PIK3R3: variants seen among roughly 807,000 people sequenced by gnomAD.
PIK3R3 encodes the protein phosphoinositide-3-kinase regulatory subunit 3, also known as phosphatidylinositol 3-kinase regulatory subunit gamma.
PIK3R3 carries 64 observed loss-of-function variants against 62.9 expected under a neutral mutation model. The ratio of observed to expected loss-of-function variants is 1.02; its 90% CI spans 0.83 to 1.25. The LOEUF is 1.25. PIK3R3 is among the 50% of genes most tolerant of loss of function. The probability of loss-of-function intolerance (pLI) is 0.00; values close to 1 mark genes in which losing one functional copy is unlikely to be tolerated. For missense variants in PIK3R3, 614 were observed against 561.6 expected, an observed-to-expected ratio of 1.09 and a Z score of -0.94; for synonymous variants, 165 against 189.0, an observed-to-expected ratio of 0.87 and a Z score of 1.04.
In PIK3R3 at chr1:46,053,198, G is replaced by A. The variant is rs1006813265; in HGVS notation, c.941+2597C>T. On this transcript the variant is annotated intron_variant, in intron 7 of 9. Transcript: ENST00000262741. ...ACTTCTGAGTTGTCCTTACTTGTAG[G>A]TTATGAATTTGTCATCCATGATGTT... Among the ~76,000 whole-genome samples the A allele has an allele frequency of 6.6e-5, 10 of 152,236 alleles. No homozygotes were observed. The East Asian group carries it at 1.9e-3, about 29-fold the overall frequency.
Position 46,066,127 on chromosome 1 carries a change from T to C in PIK3R3, c.548A>G (p.Glu183Gly). Residue 183 changes from glutamate (E) to glycine (G), a missense_variant, in exon 5 of 10, where the codon GAA (glutamate) becomes GGA (glycine). Physicochemically the swap from Glu to Gly is moderately conservative, Grantham distance 98. Transcript: ENST00000262741. ...NIDAVGKKLQ[E>G]YHSQYQEKSK... Reference sequence around the variant, plus strand: ...CTTCTCCTGATACTGAGAGTGGTATTCTTGCAGTTTTTTACCTACTGCATC... The same window carrying C: ...CTTCTCCTGATACTGAGAGTGGTATCCTTGCAGTTTTTTACCTACTGCATC... 6.3e-7 allele frequency: 1 copy of C among 1,597,766 alleles called. No individual in the cohort carries two copies. Among genetic ancestry groups the C allele is most frequent in the Non-Finnish European group, 8.6e-7 (1 of 1,165,464 alleles).
intron 3 of PIK3R3, among the ~76,000 whole-genome samples, chr1:46,070,871 C>G (rs1235633690): frequency 6.6e-6 from 1 of 152,142 alleles, no homozygotes; most frequent in Admixed American, 6.5e-5. Context: ...AGCACCTAGT[C>G]CAATGCCTGG....
At chr1:46,128,702 G>A (rs1008323395) in intron 1 of PIK3R3, among the ~76,000 whole-genome samples, 4 of 152,212 alleles carry the variant, frequency 2.6e-5, no homozygotes, top group Admixed American at 1.3e-4. Context: ...ATGACCAGGT[G>A]GGAAGCCAAT....
intron 3 of PIK3R3, among the ~76,000 whole-genome samples, chr1:46,068,891 T>TAATC (rs901399251): frequency 2.4e-4 from 37 of 152,206 alleles, no homozygotes; most frequent in African/African-American, 8.4e-4. Flanking sequence ...TAGAATCATA[T>TAATC]AATCTATCTT....
intron 1 of PIK3R3, among the ~76,000 whole-genome samples, chr1:46,121,108 TG>T (rs1394016678): frequency 2.0e-5 from 3 of 152,234 alleles, no homozygotes; most frequent in Non-Finnish European, 4.4e-5. Context: ...CTGACATTGT[TG>T]AACTACTGAA....
At chr1:46,116,042 GA>G (rs1318665193) in intron 1 of PIK3R3, among the ~76,000 whole-genome samples, 1 of 152,190 alleles carries the variant, frequency 6.6e-6, no homozygotes, top group Admixed American at 6.5e-5. Context: ...CAAACATGAA[GA>G]AATAGGATTT....
Position 46,131,921 on chromosome 1 carries a change from T to G in PIK3R3, c.32A>C (p.Asp11Ala). MYNTVWSMDR[D>A]DADWREVMMP... The stretch of plus-strand genomic sequence containing the variant: ...CATCACCTCCCTCCAGTCTGCGTCA[T>G]CGCGGTCCATACTCCACACCGTATT... Residue 11 changes from aspartate to alanine, a missense_variant, in exon 1 of 10, where the codon GAT (aspartate) becomes GCT (alanine). Transcript: ENST00000262741. 1 of 1,613,994 alleles carries G rather than the reference T, an allele frequency of 6.2e-7. No homozygotes were observed. Among genetic ancestry groups the G allele is most frequent in the South Asian group, 1.1e-5 (1 of 91,076 alleles).
intron 1 of PIK3R3, among the ~76,000 whole-genome samples, chr1:46,088,513 G>A (rs1651305021): frequency 6.6e-6 from 1 of 151,980 alleles, no homozygotes; most frequent in Non-Finnish European, 1.5e-5. Flanking sequence ...AAGAACAAGA[G>A]CCCTTATATA....
the PIK3R3 span, among the ~76,000 whole-genome samples, chr1:46,140,819 G>GT: frequency 7.1e-4 from 108 of 151,800 alleles, no homozygotes; most frequent in African/African-American, 2.3e-3. Context: ...TAAACTTGTG[G>GT]TTTTTTTTGT....
chr1:46,142,852 G>T, the PIK3R3 span, among the ~76,000 whole-genome samples: 1 of 152,194 alleles, frequency 6.6e-6, no homozygotes, highest in Non-Finnish European at 1.5e-5. Context: ...TCAAGCAATG[G>T]GGGGAGTTTA....
At chr1:46,121,873 T>C (rs560101976) in intron 1 of PIK3R3, among the ~76,000 whole-genome samples, 2 of 152,186 alleles carry the variant, frequency 1.3e-5, no homozygotes, top group East Asian at 3.9e-4. Context: ...CATACTGATA[T>C]GCGACATGCA....
intron 1 of PIK3R3, among the ~76,000 whole-genome samples, chr1:46,124,014 A>G (rs1220309040): frequency 2.0e-5 from 3 of 152,200 alleles, no homozygotes; most frequent in Admixed American, 6.5e-5. Context: ...CCAAAACCCA[A>G]AATGGATAAA....
chr1:46,171,828 C>T, the PIK3R3 span, among the ~76,000 whole-genome samples: 2 of 152,112 alleles, frequency 1.3e-5, no homozygotes, highest in African/African-American at 4.8e-5. Flanking sequence ...ACTGAAGCTC[C>T]GGGCTCCTGC....
In PIK3R3 at chr1:46,132,052, C is replaced by G; in HGVS notation, c.-100G>C. ...AATATATATCTGCAAAAGTTCCACACGGAAATGTACTTCGGGTTTTCCAAC... is the reference window on the plus strand; with the variant it reads ...AATATATATCTGCAAAAGTTCCACAGGGAAATGTACTTCGGGTTTTCCAAC... On this transcript the variant is annotated 5_prime_UTR_variant, in exon 1 of 10. Coordinates refer to ENST00000262741, the MANE Select transcript of PIK3R3 (RefSeq NM_003629.4). 1.3e-6 allele frequency: 2 copies of G among 1,496,872 alleles called. No individual in the cohort carries two copies. The highest frequency in any genetic ancestry group is 1.8e-6 in the Non-Finnish European group (2 of 1,124,326). The allele number at this position is 1,496,872 out of a possible 1,614,324, so 92.7% of individuals were successfully genotyped here.
intron 1 of PIK3R3, among the ~76,000 whole-genome samples, chr1:46,104,343 AG>A (rs1652988294): frequency 6.6e-6 from 1 of 152,226 alleles, no homozygotes; most frequent in Admixed American, 6.5e-5. Flanking sequence ...AAAATTAAAA[AG>A]ATTTTCAACT....
chr1:46,090,342 TTA>T (rs1651503527), intron 1 of PIK3R3, among the ~76,000 whole-genome samples: 5 of 151,524 alleles, frequency 3.3e-5, no homozygotes, highest in Non-Finnish European at 7.4e-5. Context: ...ATTTATTTAT[TTA>T]TTTTTTTGAG....
intron 1 of PIK3R3, among the ~76,000 whole-genome samples, chr1:46,119,902 C>T (rs147996253): frequency 1.2e-4 from 18 of 151,954 alleles, no homozygotes; most frequent in African/African-American, 4.1e-4. Flanking sequence ...CTCAGCCTCC[C>T]AAGTAGCTGG....
the PIK3R3 span, among the ~76,000 whole-genome samples, chr1:46,154,169 T>C: frequency 1.3e-5 from 2 of 152,166 alleles, no homozygotes; most frequent in African/African-American, 4.8e-5. Flanking sequence ...GAAATTCTAT[T>C]GCTGAAAGGA....
intron 1 of PIK3R3, among the ~76,000 whole-genome samples, chr1:46,107,791 G>A (rs778766230): frequency 3.9e-5 from 6 of 152,172 alleles, no homozygotes; most frequent in Non-Finnish European, 7.3e-5. Context: ...TTCATACTTA[G>A]TTATCTATTG....
Sources: gnomAD v4.1 joint callset for allele counts (sites outside exome capture counted in the v4.1 genomes callset) on GRCh38, gnomAD v4.1.1 for gene constraint, MANE v1.5 for transcripts, NCBI Gene and HGNC (gene_info 2026-07-23, HGNC 2026-07-21) for gene names.